Variants in RBFOX1 observed in about 807,000 individuals in gnomAD.
RBFOX1 encodes RNA binding fox-1 homolog 1, also known as RNA binding protein fox-1 homolog 1.
A neutral mutation model predicts 57.7 loss-of-function variants in RBFOX1; 8 were observed. The ratio of observed to expected loss-of-function variants is 0.14; its 90% CI spans 0.08 to 0.25. The LOEUF is 0.25. Ranked by LOEUF, RBFOX1 falls within the 10% of genes least tolerant of loss-of-function variation. The pLI, the probability that RBFOX1 is intolerant of heterozygous loss-of-function variation, is 1.00. For synonymous variants in RBFOX1, 326 were observed against 222.4 expected, an observed-to-expected ratio of 1.47 and a Z score of -4.15; for missense variants, 611 against 548.5, an observed-to-expected ratio of 1.11 and a Z score of -1.14.
intron 2 of RBFOX1, among the ~76,000 whole-genome samples, chr16:6,354,193 C>G (rs1400651503): frequency 1.3e-5 from 2 of 152,070 alleles, no homozygotes; most frequent in Admixed American, 6.6e-5. Context: ...GCACCCCAGC[C>G]TGGGTGACAG....
chr16:6,733,943 C>A (rs529300541), intron 3 of RBFOX1, among the ~76,000 whole-genome samples: 1 of 152,206 alleles, frequency 6.6e-6, no homozygotes, highest in East Asian at 1.9e-4. Flanking sequence ...TGAATAGCAT[C>A]GTTGTCTATC....
chr16:6,318,887 T>A (rs762076585), intron 2 of RBFOX1, among the ~76,000 whole-genome samples: 22 of 151,828 alleles, frequency 1.4e-4, no homozygotes, highest in Non-Finnish European at 3.2e-4. Flanking sequence ...TGATCCCTCT[T>A]AGTGTATCTA....
chr16:5,486,180 A>G (rs900050618), intron 2 of RBFOX1, among the ~76,000 whole-genome samples: 1 of 152,166 alleles, frequency 6.6e-6, no homozygotes, highest in African/African-American at 2.4e-5. Flanking sequence ...TGCCTCCCCT[A>G]GGAAGTCCTG....
At chr16:7,662,159 G>A (rs371168529) in intron 12 of RBFOX1, among the ~76,000 whole-genome samples, 1 of 152,150 alleles carries the variant, frequency 6.6e-6, no homozygotes, top group African/African-American at 2.4e-5. Flanking sequence ...TCTTCTCTCC[G>A]TCATTTACAG....
intron 2 of RBFOX1, among the ~76,000 whole-genome samples, chr16:6,626,095 C>G (rs1285345227): frequency 6.7e-6 from 1 of 150,364 alleles, no homozygotes; most frequent in Non-Finnish European, 1.5e-5. Flanking sequence ...ATATGCGTCT[C>G]TTAGTTTTGT....
intron 2 of RBFOX1, among the ~76,000 whole-genome samples, chr16:6,460,538 A>G (rs1415295987): frequency 6.6e-6 from 1 of 152,180 alleles, no homozygotes; most frequent in Non-Finnish European, 1.5e-5. Flanking sequence ...AATCAAAACC[A>G]CAATGAGATA....
At chr16:6,964,740 C>A (rs957511206) in intron 3 of RBFOX1, among the ~76,000 whole-genome samples, 1 of 152,170 alleles carries the variant, frequency 6.6e-6, no homozygotes, top group African/African-American at 2.4e-5. Flanking sequence ...GCACTTGTCC[C>A]TGCAATTCCT....
chr16:5,497,762 C>G (rs1482406409), intron 2 of RBFOX1, among the ~76,000 whole-genome samples: 1 of 152,082 alleles, frequency 6.6e-6, no homozygotes, highest in Non-Finnish European at 1.5e-5. Context: ...CCAGCCTGGA[C>G]AACAGAGTGA....
At chr16:7,166,418 A>G (rs1045716493) in intron 4 of RBFOX1, among the ~76,000 whole-genome samples, 4 of 152,116 alleles carry the variant, frequency 2.6e-5, no homozygotes, top group Non-Finnish European at 2.9e-5. Context: ...ATAGAAAACT[A>G]TAGAGGAGTC....
intron 4 of RBFOX1, among the ~76,000 whole-genome samples, chr16:5,955,468 T>G (rs1218939962): frequency 6.6e-6 from 1 of 152,002 alleles, no homozygotes; most frequent in Non-Finnish European, 1.5e-5. Flanking sequence ...ATTTCTGTTA[T>G]GGAAACCAGG....
At chr16:5,273,477 C>T (rs954557266) in intron 1 of RBFOX1, among the ~76,000 whole-genome samples, 3 of 152,174 alleles carry the variant, frequency 2.0e-5, no homozygotes, top group African/African-American at 7.2e-5. Flanking sequence ...TTCCAAAGAT[C>T]TCAGATGCCC....
intron 1 of RBFOX1, among the ~76,000 whole-genome samples, chr16:6,112,326 C>T (rs909204082): frequency 2.0e-5 from 3 of 152,132 alleles, no homozygotes; most frequent in Non-Finnish European, 4.4e-5. Context: ...CCGATATGTG[C>T]ATTCTAATAG....
chr16:7,487,092 G>C (rs1368752533), intron 4 of RBFOX1, among the ~76,000 whole-genome samples: 1 of 152,058 alleles, frequency 6.6e-6, no homozygotes, highest in Non-Finnish European at 1.5e-5. Context: ...TAGAGATGAG[G>C]TTTCTCCATG....
intron 3 of RBFOX1, among the ~76,000 whole-genome samples, chr16:5,686,530 A>T (rs996021358): frequency 3.3e-5 from 5 of 151,984 alleles, no homozygotes; most frequent in Admixed American, 2.0e-4. Context: ...GTGGCCACTG[A>T]GGGATTTCTA....
At chr16:7,441,686 A>G (rs2098768351) in intron 4 of RBFOX1, among the ~76,000 whole-genome samples, 1 of 152,214 alleles carries the variant, frequency 6.6e-6, no homozygotes, top group African/African-American at 2.4e-5. Flanking sequence ...TTGCAAAAAA[A>G]TCAGACGATC....
intron 1 of RBFOX1, among the ~76,000 whole-genome samples, chr16:6,189,768 T>A (rs775055162): frequency 4.8e-4 from 73 of 152,310 alleles, no homozygotes; most frequent in Admixed American, 1.8e-3. Context: ...TGATATTTTT[T>A]AAAAAAATTA....
In RBFOX1 at chr16:6,847,471, G is replaced by A. The variant is rs532852831; in HGVS notation, c.-16+192821G>A. On this transcript the variant is annotated intron_variant, in intron 3 of 15. Transcript: ENST00000550418. ...TCACAGCAATGGGGAGCCACAGGGG[G>A]TGGGCTGGAATCCTTACCACTGTGG... Among the ~76,000 whole-genome samples the A allele has an allele frequency of 5.3e-5, 8 of 152,174 alleles. No individual in the cohort carries two copies. In the East Asian group the frequency reaches 1.4e-3, roughly 26 times the overall value.
In RBFOX1 at chr16:7,659,997, G is replaced by A. The variant is rs568347369; in HGVS notation, c.891-4932G>A. Among the ~76,000 whole-genome samples, 55 of 152,146 alleles carry A rather than the reference G, an allele frequency of 3.6e-4. No homozygotes were observed. The South Asian group carries it at 6.0e-3, about 17-fold the overall frequency. Reference sequence around the variant, plus strand: ...CCCCCAATATCCATTAAAAAATAGCGGTATTTGAACACCTTAAAAAGTTTA... The same window carrying A: ...CCCCCAATATCCATTAAAAAATAGCAGTATTTGAACACCTTAAAAAGTTTA... On this transcript the variant is annotated intron_variant, in intron 12 of 15. Coordinates refer to ENST00000550418, the MANE Select transcript of RBFOX1 (RefSeq NM_018723.4).
At chr16:7,695,631 G>T (rs369731863) in intron 14 of RBFOX1, among the ~76,000 whole-genome samples, 2 of 124,860 alleles carry the variant, frequency 1.6e-5, no homozygotes, top group East Asian at 2.5e-4. Context: ...CGGCCTGGAC[G>T]ACAGAGCAAG....
Sources: allele counts gnomAD v4.1 joint callset (sites outside exome capture counted in the v4.1 genomes callset), GRCh38; gene constraint gnomAD v4.1.1; transcripts MANE v1.5; gene names NCBI Gene and HGNC (gene_info 2026-07-23, HGNC 2026-07-21).